The following FHIT variants were observed in gnomAD, a reference collection of about 807,000 sequenced individuals.
FHIT encodes the protein fragile histidine triad diadenosine triphosphatase.
A neutral mutation model predicts 17.9 loss-of-function variants in FHIT; 19 were observed. The ratio of observed to expected loss-of-function variants is 1.06; its 90% CI spans 0.74 to 1.56. The LOEUF (loss-of-function observed/expected upper bound fraction) is 1.56, where lower values mean the gene tolerates loss of function less well. FHIT is among the 40% of genes most tolerant of loss of function. FHIT has a pLI of 0.00. For missense variants in FHIT, 248 were observed against 189.2 expected (o/e 1.31, Z -1.82); for synonymous variants, 81 against 69.7 (o/e 1.16, Z -0.81).
chr3:60,742,414 G>T (rs1553714103), intron 4 of FHIT, among the ~76,000 whole-genome samples: 1 of 152,120 alleles, frequency 6.6e-6, no homozygotes, highest in Non-Finnish European at 1.5e-5. Context: ...TTTTCTGAAG[G>T]TCTATATTCT....
chr3:59,777,395 C>T (rs1702379090), intron 8 of FHIT, among the ~76,000 whole-genome samples: 1 of 152,048 alleles, frequency 6.6e-6, no homozygotes, highest in Non-Finnish European at 1.5e-5. Flanking sequence ...AAACCCCTGA[C>T]TTGTAACTCT....
chr3:60,023,146 G>A (rs1700613401), intron 5 of FHIT, among the ~76,000 whole-genome samples: 1 of 152,198 alleles, frequency 6.6e-6, no homozygotes, highest in African/African-American at 2.4e-5. Flanking sequence ...CTCAGCAGCT[G>A]AAGAAATATT....
intron 5 of FHIT, among the ~76,000 whole-genome samples, chr3:60,343,049 A>T (rs758662551): frequency 1.1e-4 from 16 of 152,300 alleles, no homozygotes; most frequent in Non-Finnish European, 1.0e-4. Context: ...ACTGATAGTT[A>T]CACCCCAGGG....
intron 5 of FHIT, among the ~76,000 whole-genome samples, chr3:60,091,443 C>G (rs1481370383): frequency 6.6e-6 from 1 of 152,106 alleles, no homozygotes; most frequent in East Asian, 1.9e-4. Context: ...CCTGGAGTGA[C>G]AAGGAGTTGA....
chr3:61,193,477 G>A (rs2038772256), intron 2 of FHIT, among the ~76,000 whole-genome samples: 1 of 152,106 alleles, frequency 6.6e-6, no homozygotes, highest in African/African-American at 2.4e-5. Context: ...TGACCAGAGT[G>A]GACTAAAGTT....
At chr3:59,906,863 G>C (rs952266580) in intron 8 of FHIT, among the ~76,000 whole-genome samples, 1 of 152,182 alleles carries the variant, frequency 6.6e-6, no homozygotes, top group Non-Finnish European at 1.5e-5. Flanking sequence ...CATCTGGTGT[G>C]TTTTCATTTT....
intron 5 of FHIT, among the ~76,000 whole-genome samples, chr3:60,500,466 G>A (rs1398120730): frequency 6.6e-6 from 1 of 152,076 alleles, no homozygotes; most frequent in Non-Finnish European, 1.5e-5. Flanking sequence ...GCATCACCTA[G>A]CAAGAGTTGT....
chr3:61,207,191 C>G (rs1166374084), intron 1 of FHIT, among the ~76,000 whole-genome samples: 2 of 152,128 alleles, frequency 1.3e-5, no homozygotes, highest in Non-Finnish European at 2.9e-5. Flanking sequence ...GGTGGATAAG[C>G]TTTTTGATGT....
chr3:60,165,374 G>C (rs959193472), intron 5 of FHIT, among the ~76,000 whole-genome samples: 9 of 152,194 alleles, frequency 5.9e-5, no homozygotes, highest in Non-Finnish European at 1.2e-4. Flanking sequence ...CTGTCATTTG[G>C]AAAGTGGTGA....
chr3:61,044,662 A>C (rs537422208), intron 2 of FHIT, among the ~76,000 whole-genome samples: 4 of 152,270 alleles, frequency 2.6e-5, no homozygotes, highest in Admixed American at 1.3e-4. Context: ...AGAAGAGCAA[A>C]TCCAAGACAC....
At chr3:59,798,061 C>T (rs1355023958) in intron 8 of FHIT, among the ~76,000 whole-genome samples, 2 of 152,142 alleles carry the variant, frequency 1.3e-5, no homozygotes, top group East Asian at 3.8e-4. Context: ...ATTTCCTCTT[C>T]AACACCATGG....
At chr3:61,072,869 G>A (rs1364617790) in intron 2 of FHIT, among the ~76,000 whole-genome samples, 1 of 152,026 alleles carries the variant, frequency 6.6e-6, no homozygotes, top group Non-Finnish European at 1.5e-5. Flanking sequence ...AGTATACACA[G>A]TATATACTTG....
At chr3:60,909,072 T>C (rs1329347514) in intron 3 of FHIT, among the ~76,000 whole-genome samples, 1 of 152,038 alleles carries the variant, frequency 6.6e-6, no homozygotes, top group Non-Finnish European at 1.5e-5. Context: ...ATACCATCTA[T>C]AAAAGAGGGT....
intron 5 of FHIT, among the ~76,000 whole-genome samples, chr3:60,276,957 C>T (rs1024796915): frequency 3.3e-5 from 5 of 152,118 alleles, no homozygotes; most frequent in African/African-American, 1.2e-4. Flanking sequence ...CCAAACACCT[C>T]CCACCAGGCC....
At chr3:60,731,367 G>C (rs552560302) in intron 4 of FHIT, among the ~76,000 whole-genome samples, 1 of 152,158 alleles carries the variant, frequency 6.6e-6, no homozygotes, top group South Asian at 2.1e-4. Flanking sequence ...GAAAGCTTTA[G>C]AGCTGGAATG....
At chr3:61,226,291 T>C (rs187725388) in intron 1 of FHIT, among the ~76,000 whole-genome samples, 1 of 152,222 alleles carries the variant, frequency 6.6e-6, no homozygotes, top group East Asian at 1.9e-4. Flanking sequence ...TTCCCAAGCC[T>C]TTGCATTTGG....
chr3:60,761,553 G>T (rs1699657257), intron 4 of FHIT, among the ~76,000 whole-genome samples: 1 of 146,776 alleles, frequency 6.8e-6, no homozygotes, highest in Admixed American at 6.8e-5. Flanking sequence ...TTTGAAAAAA[G>T]AACAAAATCA....
chr3:59,885,952 C>T (rs776438965), intron 8 of FHIT, among the ~76,000 whole-genome samples: 3 of 152,170 alleles, frequency 2.0e-5, no homozygotes, highest in Non-Finnish European at 1.5e-5. Flanking sequence ...CTAAGAGAAG[C>T]TAATGCCAGG....
At chr3:60,551,316 T>C (rs983652959) in intron 4 of FHIT, among the ~76,000 whole-genome samples, 1 of 149,452 alleles carries the variant, frequency 6.7e-6, no homozygotes, top group Non-Finnish European at 1.5e-5. Context: ...AAAAAAAGAT[T>C]TTACTATTGT....
Sources: gnomAD v4.1 joint callset for allele counts (sites outside exome capture counted in the v4.1 genomes callset) on GRCh38, gnomAD v4.1.1 for gene constraint, MANE v1.5 for transcripts, NCBI Gene and HGNC (gene_info 2026-07-23, HGNC 2026-07-21) for gene names.